Variants in CACNA2D3 observed in about 807,000 individuals in gnomAD.
CACNA2D3 encodes the protein calcium voltage-gated channel auxiliary subunit alpha2delta 3.
Under a neutral mutation model 160.6 loss-of-function variants are expected in CACNA2D3, and 60 were observed. The ratio of observed to expected loss-of-function variants is 0.37; its 90% CI spans 0.30 to 0.46. CACNA2D3 has a LOEUF of 0.46. Among genes scored for constraint, CACNA2D3 ranks in the 20% least tolerant of loss-of-function variants. The pLI, the probability that CACNA2D3 is intolerant of heterozygous loss-of-function variation, is 1.00. For missense variants in CACNA2D3, 1,205 were observed against 1,365.0 expected, an observed-to-expected ratio of 0.88 and a Z score of 1.85; for synonymous variants, 558 against 492.9, an observed-to-expected ratio of 1.13 and a Z score of -1.75.
intron 2 of CACNA2D3, among the ~76,000 whole-genome samples, chr3:54,137,631 A>G (rs1699838901): frequency 6.6e-6 from 1 of 152,204 alleles, no homozygotes; most frequent in South Asian, 2.1e-4. Context: ...GCAACCCGTT[A>G]CAACCTCACA....
Position 55,073,777 on chromosome 3 carries a change from A to G in CACNA2D3, c.3101A>G (p.Tyr1034Cys), listed in dbSNP as rs550918018. 6.2e-6 allele frequency: 10 copies of G among 1,612,464 alleles called. No individual in the cohort carries two copies. The Admixed American group carries it at 8.3e-5, about 13-fold the overall frequency. The change falls in exon 37 of 38, where the codon TAT becomes TGT. Residue 1034 changes from tyrosine to cysteine, a missense_variant and splice_region_variant. Physicochemically the swap from Tyr to Cys is radical, Grantham distance 194. Coordinates refer to ENST00000474759, the MANE Select transcript of CACNA2D3 (RefSeq NM_018398.3). ...PITMAPIEIR[Y>C]NESLKCERLK... is the part of the protein sequence containing the mutation. ...GAAACATGCCTTAACTACAGTCAAC[A>G]TAATGAATCCCTTAAGTGTGAACGT... is the stretch of plus-strand genomic sequence containing the variant.
At chr3:54,964,172 A>G (rs1702092239) in intron 27 of CACNA2D3, among the ~76,000 whole-genome samples, 1 of 152,204 alleles carries the variant, frequency 6.6e-6, no homozygotes, top group South Asian at 2.1e-4. Flanking sequence ...CACATGGGGA[A>G]GGATCCTATG....
chr3:55,051,692 C>G, intron 35 of CACNA2D3, among the ~76,000 whole-genome samples: 1 of 152,136 alleles, frequency 6.6e-6, no homozygotes, highest in African/African-American at 2.4e-5. Context: ...TGGCGGGCGC[C>G]CCTCCCCCAG....
chr3:54,610,223 T>G (rs1255547123), intron 9 of CACNA2D3, among the ~76,000 whole-genome samples: 1 of 152,222 alleles, frequency 6.6e-6, no homozygotes, highest in African/African-American at 2.4e-5. Context: ...GATCACATTC[T>G]AAGGTACTGG....
At chr3:54,172,727 T>C (rs1483317639) in intron 2 of CACNA2D3, among the ~76,000 whole-genome samples, 6 of 152,228 alleles carry the variant, frequency 3.9e-5, no homozygotes, top group African/African-American at 1.4e-4. Context: ...GAAGGCAGGG[T>C]GGACATTGTT....
chr3:54,896,928 G>C (rs1045886832), intron 26 of CACNA2D3, 58 bp downstream of exon 26: 3 of 1,609,950 alleles, frequency 1.9e-6, no homozygotes, highest in African/African-American at 2.7e-5. Flanking sequence ...TCTGGGCATT[G>C]TGTGCAGGGT....
At chr3:54,261,653 G>A (rs1359352005) in intron 2 of CACNA2D3, among the ~76,000 whole-genome samples, 1 of 152,192 alleles carries the variant, frequency 6.6e-6, no homozygotes, top group Non-Finnish European at 1.5e-5. Context: ...TGCCTTTGCA[G>A]GGATAGAAGG....
intron 5 of CACNA2D3, among the ~76,000 whole-genome samples, chr3:54,541,904 TA>T (rs1255588623): frequency 6.6e-6 from 1 of 151,200 alleles, no homozygotes; most frequent in Non-Finnish European, 1.5e-5. Context: ...TGTGGTTAAG[TA>T]AGAGGTTAAC....
chr3:54,538,376 C>T (rs1435991337), intron 5 of CACNA2D3, among the ~76,000 whole-genome samples: 1 of 152,194 alleles, frequency 6.6e-6, no homozygotes, highest in Non-Finnish European at 1.5e-5. Flanking sequence ...TTCTTTTTCT[C>T]AGTCTCTCTT....
chr3:55,045,570 C>A (rs950775973), intron 35 of CACNA2D3, among the ~76,000 whole-genome samples: 1 of 152,134 alleles, frequency 6.6e-6, no homozygotes, highest in Admixed American at 6.5e-5. Flanking sequence ...AATTCAATAT[C>A]TTTATTTAAG....
At chr3:54,933,859 C>T (rs1032992622) in intron 27 of CACNA2D3, among the ~76,000 whole-genome samples, 13 of 151,874 alleles carry the variant, frequency 8.6e-5, no homozygotes, top group Non-Finnish European at 1.8e-4. Flanking sequence ...ACCTCCACCT[C>T]CCAGGTTCAA....
intron 3 of CACNA2D3, among the ~76,000 whole-genome samples, chr3:54,324,903 C>T (rs1160817115): frequency 2.3e-5 from 3 of 131,954 alleles, no homozygotes; most frequent in African/African-American, 8.4e-5. Context: ...AAATGCTTGT[C>T]TGTGTCACAA....
intron 11 of CACNA2D3, among the ~76,000 whole-genome samples, chr3:54,737,595 G>A (rs1212719207): frequency 6.6e-6 from 1 of 152,056 alleles, no homozygotes; most frequent in Non-Finnish European, 1.5e-5. Context: ...AAACAGGGAA[G>A]GGGTCAGGAC....
chr3:55,055,863 G>T (rs1242501433), intron 35 of CACNA2D3, among the ~76,000 whole-genome samples: 1 of 152,006 alleles, frequency 6.6e-6, no homozygotes, highest in Non-Finnish European at 1.5e-5. Flanking sequence ...GTACAGAAAT[G>T]CTAAAAACTA....
intron 8 of CACNA2D3, among the ~76,000 whole-genome samples, chr3:54,581,260 T>C (rs150260815): frequency 6.6e-6 from 1 of 152,282 alleles, no homozygotes; most frequent in African/African-American, 2.4e-5. Flanking sequence ...ATTGAAGTGA[T>C]GGGAGTGCCG....
intron 16 of CACNA2D3, 45 bp downstream of exon 16, chr3:54,838,693 C>T (rs771052790): frequency 2.9e-6 from 4 of 1,395,940 alleles, no homozygotes; most frequent in Non-Finnish European, 3.1e-6. Context: ...CAGAGATGCC[C>T]AGAGCCTTGT....
chr3:54,821,870 A>G (rs771347809), intron 14 of CACNA2D3, among the ~76,000 whole-genome samples: 7 of 152,170 alleles, frequency 4.6e-5, no homozygotes, highest in African/African-American at 7.2e-5. Context: ...TTTAACTTCT[A>G]TACTTCGAAC....
intron 11 of CACNA2D3, among the ~76,000 whole-genome samples, chr3:54,665,917 T>A (rs577389822): frequency 5.3e-5 from 8 of 151,956 alleles, no homozygotes; most frequent in Admixed American, 3.9e-4. Flanking sequence ...TACTCCTACC[T>A]CAGCCTCCTG....
In CACNA2D3 at chr3:54,422,820, GCCTACA is replaced by G. The variant is rs1488463201; in HGVS notation, c.381+36047_381+36052del. 1.3e-4 allele frequency among the ~76,000 whole-genome samples: 20 copies of G among 152,278 alleles called. No homozygotes were observed. In the East Asian group the frequency reaches 3.9e-3, roughly 29 times the overall value. ...CCAGCAACTCCACGCCTTGCAATCT[GCCTACA>G]GAAACACTAACTAACACATGTGCAC... is the stretch of plus-strand genomic sequence containing the variant. On this transcript the variant is annotated intron_variant, in intron 4 of 37. Transcript: ENST00000474759.
Sources: allele counts gnomAD v4.1 joint callset (sites outside exome capture counted in the v4.1 genomes callset), GRCh38; gene constraint gnomAD v4.1.1; transcripts MANE v1.5; gene names NCBI Gene and HGNC (gene_info 2026-07-23, HGNC 2026-07-21).